The following PKD1L3 variants were observed in gnomAD, a reference collection of about 807,000 sequenced individuals.
PKD1L3 encodes polycystin-1-like protein 3.
A neutral mutation model predicts 184.1 loss-of-function variants in PKD1L3; 239 were observed. That is an observed-to-expected ratio of 1.30 (90% CI 1.17 to 1.45). PKD1L3 has a LOEUF of 1.45. PKD1L3 is among the 40% of genes most tolerant of loss of function. PKD1L3 has a pLI of 0.00. For synonymous variants in PKD1L3, 996 were observed against 778.8 expected, an observed-to-expected ratio of 1.28 and a Z score of -4.64; for missense variants, 2,660 against 2,067.2, an observed-to-expected ratio of 1.29 and a Z score of -5.56.
chr16:71,944,149 G>T lies in PKD1L3; in HGVS notation c.3740C>A (p.Pro1247Gln), dbSNP rs1454128793. 1 of 1,550,084 alleles carries T rather than the reference G, an allele frequency of 6.5e-7. No homozygotes were observed. The highest frequency in any genetic ancestry group is 2.4e-5 in the East Asian group (1 of 40,894). The part of the protein sequence containing the change: ...ALLAKCSSSV[P>Q]GSRDKNNPVY... ...GGGGTTGTTCTTATCTCTTGAACCT[G>T]GTACTGACGAAGAACATTTTGCTGT... The change falls in exon 23 of 30, where the codon CCA (proline) becomes CAA (glutamine). Residue 1247 changes from proline to glutamine, a missense_variant. By Grantham distance (76) the Pro-to-Gln change is moderately conservative (BLOSUM62 -1). Transcript: ENST00000620267.
chr16:71,953,106 C>T lies in PKD1L3; in HGVS notation c.2810-13G>A. On this transcript the variant is annotated splice_polypyrimidine_tract_variant and intron_variant, in intron 17 of 29. Transcript: ENST00000620267. Reference sequence around the variant, plus strand: ...GCAAATGGACGCACTGAAAGAAAAGCATGACATCAACTTTCATCTTCAACA... The same window carrying T: ...GCAAATGGACGCACTGAAAGAAAAGTATGACATCAACTTTCATCTTCAACA... The T allele has an allele frequency of 1.4e-6, 2 of 1,448,280 alleles. No individual in the cohort carries two copies. Among genetic ancestry groups the T allele is most frequent in the Non-Finnish European group, 1.8e-6 (2 of 1,098,450 alleles). 89.7% of individuals were successfully genotyped at this position (1,448,280 alleles called of 1,614,324 possible). A position where few individuals can be genotyped will look rare whatever the true frequency, so the allele number is the denominator to read the frequency against.
chr16:71,978,834 C>G (rs1198128997), intron 9 of PKD1L3, among the ~76,000 whole-genome samples: 1 of 152,030 alleles, frequency 6.6e-6, no homozygotes, highest in Non-Finnish European at 1.5e-5. Flanking sequence ...GCTATCATGC[C>G]CAGCCGGATA....
intron 7 of PKD1L3, 25 bp downstream of exon 7, chr16:71,982,034 G>A: frequency 6.6e-7 from 1 of 1,523,446 alleles, no homozygotes; most frequent in Non-Finnish European, 8.8e-7. Context: ...AAGCAGATCT[G>A]GCCACCTGCA....
At chr16:71,969,782 T>C in intron 13 of PKD1L3, 93 bp downstream of exon 13, 1 of 1,150,726 alleles carries the variant, frequency 8.7e-7, no homozygotes, top group Non-Finnish European at 1.2e-6. Flanking sequence ...AGTACCAGGC[T>C]TCCTGCTGCT....
chr16:71,970,087 T>C lies in PKD1L3; in HGVS notation c.1972A>G (p.Ile658Val), dbSNP rs1286660433. The change falls in exon 13 of 30, where the codon ATT becomes GTT. Residue 658 changes from isoleucine to valine, a missense_variant. Physicochemically the swap from Ile to Val is conservative, Grantham distance 29 (BLOSUM62 3). Coordinates refer to ENST00000620267, the MANE Select transcript of PKD1L3 (RefSeq NM_181536.2). Reference sequence around the variant, plus strand: ...TTACAGAGACACTGTGTCCTCAGAATTGTGCTCTGTGGCCCAACCTGGAAT... The same window carrying C: ...TTACAGAGACACTGTGTCCTCAGAACTGTGCTCTGTGGCCCAACCTGGAAT... Reference protein sequence around the residue: ...AGCQVGPQSTILRTQCLCNHL... With the variant: ...AGCQVGPQSTVLRTQCLCNHL... 5 of 1,551,532 alleles carry C rather than the reference T, an allele frequency of 3.2e-6. No individual in the cohort carries two copies. Among genetic ancestry groups the C allele is most frequent in the South Asian group, 2.4e-5 (2 of 84,052 alleles).
Position 71,945,299 on chromosome 16 carries a change from T to C in PKD1L3, c.3719-1129A>G, listed in dbSNP as rs1284230694. Among the ~76,000 whole-genome samples the C allele has an allele frequency of 2.1e-4, 14 of 65,922 alleles. 2 individuals are homozygous for C. The highest frequency in any genetic ancestry group is 8.9e-4 in the African/African-American group (13 of 14,676). The allele number at this position is 65,922 out of a possible 152,430, so 43.2% of individuals were successfully genotyped here. A position where few individuals can be genotyped will look rare whatever the true frequency, so the allele number is the denominator to read the frequency against. ...ATATATATATATATATATATATATA[T>C]ATATATACACACACACACACACATA... is the stretch of plus-strand genomic sequence containing the variant. On this transcript the variant is annotated intron_variant, in intron 22 of 29. Coordinates refer to ENST00000620267, the MANE Select transcript of PKD1L3 (RefSeq NM_181536.2).
rs2040657909 is a variant in PKD1L3, at chr16:71,993,197, T to C, written c.535+19A>G. ...TGATTCCACGGATTTTTAAGGTTAC[T>C]AGAGGAGTAACGCATTACCTGGGGG... On this transcript the variant is annotated intron_variant, in intron 3 of 29. Coordinates refer to ENST00000620267, the MANE Select transcript of PKD1L3 (RefSeq NM_181536.2). 6.7e-7 allele frequency: 1 copy of C among 1,483,192 alleles called. No homozygotes were observed. The highest frequency in any genetic ancestry group is 9.1e-7 in the Non-Finnish European group (1 of 1,094,206). The allele number at this position is 1,483,192 out of a possible 1,614,324, so 91.9% of individuals were successfully genotyped here. A position where few individuals can be genotyped will look rare whatever the true frequency, so the allele number is the denominator to read the frequency against.
At chr16:71,980,159 T>C (rs762873347) in intron 7 of PKD1L3, 25 bp from the exon 8 acceptor site, 2 of 1,549,776 alleles carry the variant, frequency 1.3e-6, no homozygotes, top group South Asian at 2.4e-5. Flanking sequence ...AAACAGTGTG[T>C]GACTTGTAAA....
chr16:71,978,238 T>C lies in PKD1L3; in HGVS notation c.1527+17A>G, dbSNP rs562169401. On this transcript the variant is annotated intron_variant, in intron 10 of 29. Coordinates refer to ENST00000620267, the MANE Select transcript of PKD1L3 (RefSeq NM_181536.2). ...TCCCATTCTCTTCTATTTTATTCCC[T>C]AAGAATCAGTTCCTACCTCAATGTC... is the stretch of plus-strand genomic sequence containing the variant. The C allele has an allele frequency of 1.8e-4, 280 of 1,545,484 alleles. No homozygotes were observed. Among genetic ancestry groups the C allele is most frequent in the Non-Finnish European group, 2.3e-4 (258 of 1,142,570 alleles).
chr16:71,957,874 A>G (rs563340600), intron 16 of PKD1L3, among the ~76,000 whole-genome samples: 1 of 152,300 alleles, frequency 6.6e-6, no homozygotes, highest in South Asian at 2.1e-4. Flanking sequence ...AGCCAAAGAC[A>G]TTTTATTAAA....
Position 71,935,615 on chromosome 16 carries a change from A to G in PKD1L3, c.4453-97T>C. ...TGAACGCAGCTGATGTCTGTGGGCA[A>G]AGCACACTGCCAGGCATTTATCAGA... On this transcript the variant is annotated intron_variant, in intron 25 of 29. Coordinates refer to ENST00000620267, the MANE Select transcript of PKD1L3 (RefSeq NM_181536.2). 2 of 1,139,298 alleles carry G rather than the reference A, an allele frequency of 1.8e-6. 1 individual carries two copies. Among genetic ancestry groups the G allele is most frequent in the Middle Eastern group, 4.4e-4 (2 of 4,516 alleles). The allele number at this position is 1,139,298 out of a possible 1,614,324, so 70.6% of individuals were successfully genotyped here.
intron 19 of PKD1L3, among the ~76,000 whole-genome samples, chr16:71,951,128 C>G (rs2038815664): frequency 1.3e-5 from 2 of 152,140 alleles, no homozygotes; most frequent in African/African-American, 4.8e-5. Flanking sequence ...CAACCTCTGC[C>G]TCCTGAGTTC....
At chr16:71,953,503 T>TACAAAGCACC (rs901276638) in intron 17 of PKD1L3, among the ~76,000 whole-genome samples, 5 of 152,168 alleles carry the variant, frequency 3.3e-5, no homozygotes, top group African/African-American at 1.2e-4. Flanking sequence ...TACAAAGCAC[T>TACAAAGCACC]ACAAAGCACC....
At chr16:71,986,974 G>C (rs1375784943) in intron 4 of PKD1L3, among the ~76,000 whole-genome samples, 1 of 132,156 alleles carries the variant, frequency 7.6e-6, no homozygotes, top group Non-Finnish European at 1.5e-5. Context: ...TCCCAGGCTG[G>C]AGTGCAGTGG....
intron 4 of PKD1L3, among the ~76,000 whole-genome samples, chr16:71,986,912 G>A (rs1042563263): frequency 8.2e-6 from 1 of 121,510 alleles, no homozygotes; most frequent in African/African-American, 4.0e-5. Context: ...GGTAAGGAGA[G>A]GATTTTTTTT....
chr16:71,983,631 T>C (rs184671271), intron 6 of PKD1L3, among the ~76,000 whole-genome samples: 218 of 148,588 alleles, frequency 1.5e-3, no homozygotes, highest in African/African-American at 4.9e-3. Flanking sequence ...AATGCTAAGC[T>C]TGGCATAAGG....
At chr16:71,981,628 C>T (rs1054710816) in intron 7 of PKD1L3, among the ~76,000 whole-genome samples, 1 of 150,136 alleles carries the variant, frequency 6.7e-6, no homozygotes, top group Non-Finnish European at 1.5e-5. Context: ...GCAACCTCTG[C>T]CTCCCAGGTT....
intron 17 of PKD1L3, 128 bp downstream of exon 17, chr16:71,953,977 A>T (rs1242168944): frequency 2.7e-6 from 2 of 736,586 alleles, no homozygotes; most frequent in East Asian, 3.2e-5. Context: ...GCACTTCAGG[A>T]GGCTGAGGCA....
chr16:71,962,488 T>A (rs1297043289), intron 16 of PKD1L3, among the ~76,000 whole-genome samples: 1 of 152,208 alleles, frequency 6.6e-6, no homozygotes, highest in Non-Finnish European at 1.5e-5. Flanking sequence ...TTTGGTTTAC[T>A]AACATCTTTG....
Sources: allele counts gnomAD v4.1 joint callset (sites outside exome capture counted in the v4.1 genomes callset), GRCh38; gene constraint gnomAD v4.1.1; transcripts MANE v1.5; gene names NCBI Gene and HGNC (gene_info 2026-07-23, HGNC 2026-07-21).